NPNT: variants seen among roughly 807,000 people sequenced by gnomAD.
NPNT encodes nephronectin.
Under a neutral mutation model 68.6 loss-of-function variants are expected in NPNT, and 45 were observed. That is an observed-to-expected ratio of 0.66 (90% CI 0.52 to 0.84). The LOEUF (loss-of-function observed/expected upper bound fraction) is 0.84. NPNT is among the 40% of genes least tolerant of loss of function. The pLI is 0.00. For missense variants in NPNT, 672 were observed against 714.8 expected, an observed-to-expected ratio of 0.94 and a Z score of 0.68; for synonymous variants, 233 against 253.3, an observed-to-expected ratio of 0.92 and a Z score of 0.76.
chr4:105,933,929 T>C (rs1374758339), intron 3 of NPNT, among the ~76,000 whole-genome samples: 2 of 152,326 alleles, frequency 1.3e-5, no homozygotes, highest in East Asian at 3.9e-4. Flanking sequence ...AAGTGGTTTA[T>C]TGTAAAGTTC....
Position 105,967,263 on chromosome 4 carries a change from G to C in NPNT, c.1421G>C (p.Arg474Pro). 1 of 1,613,990 alleles carries C rather than the reference G, an allele frequency of 6.2e-7. No homozygotes were observed. The highest frequency in any genetic ancestry group is 8.5e-7 in the Non-Finnish European group (1 of 1,179,988). The change falls in exon 11 of 12, where the codon CGC becomes CCC. Residue 474 changes from arginine (R) to proline (P), a missense_variant. Transcript: ENST00000379987. ...KAARLVLPLG[R>P]LMHSGDLCLS... Reference sequence around the variant, plus strand: ...GCACGCTTGGTGCTACCTCTCGGCCGCCTCATGCATTCAGGGGACCTGTGC... The same window carrying C: ...GCACGCTTGGTGCTACCTCTCGGCCCCCTCATGCATTCAGGGGACCTGTGC...
Position 105,971,059 on chromosome 4 carries a change from G to A in NPNT, c.*2069G>A, listed in dbSNP as rs905395978. On this transcript the variant is annotated 3_prime_UTR_variant, in exon 12 of 12. Coordinates refer to ENST00000379987, the MANE Select transcript of NPNT (RefSeq NM_001033047.3). The stretch of plus-strand genomic sequence containing the variant: ...TTTTCAATGTTTCTTCATGTTAAAG[G>A]TATAAGCCTTTCATTTGTTCAATGG... 2.4e-6 allele frequency: 1 copy of A among 418,442 alleles called. No individual in the cohort carries two copies. The highest frequency in any genetic ancestry group is 4.9e-6 in the Non-Finnish European group (1 of 205,300). 25.9% of individuals were successfully genotyped at this position (418,442 alleles called of 1,614,324 possible). A position where few individuals can be genotyped will look rare whatever the true frequency, so the allele number is the denominator to read the frequency against.
At chr4:105,943,126 T>A (rs746149716) in intron 8 of NPNT, among the ~76,000 whole-genome samples, 6 of 152,206 alleles carry the variant, frequency 3.9e-5, no homozygotes, top group Non-Finnish European at 8.8e-5. Context: ...CATGTAAAGA[T>A]AAAACAGAAA....
At chr4:105,902,784 C>T (rs556763672) in intron 2 of NPNT, 1 of 152,084 alleles carries the variant, frequency 6.6e-6, no homozygotes, top group Non-Finnish European at 1.5e-5. Flanking sequence ...GAATCTTGAC[C>T]TTTTCAAACA....
rs1187323793 is a variant in NPNT at position 105,932,744 on chromosome 4, G to C, written c.266-4265G>C. ...CCCAGGTGGTCTGCTCTTCCCACCT[G>C]CATGGCTTCCTGCAGTTATGTCACT... On this transcript the variant is annotated intron_variant, in intron 3 of 11. Transcript: ENST00000379987. 3.8e-6 allele frequency: 5 copies of C among 1,325,214 alleles called. No individual in the cohort carries two copies. In the South Asian group the frequency reaches 6.3e-5, roughly 17 times the overall value. 82.1% of individuals were successfully genotyped at this position (1,325,214 alleles called of 1,614,324 possible). A position where few individuals can be genotyped will look rare whatever the true frequency, so the allele number is the denominator to read the frequency against.
chr4:105,929,123 CT>C (rs1405388673), intron 3 of NPNT, among the ~76,000 whole-genome samples: 1 of 152,030 alleles, frequency 6.6e-6, no homozygotes, highest in African/African-American at 2.4e-5. Context: ...CCCCTTACCC[CT>C]AACCCCCAAC....
At chr4:105,900,854 T>TG (rs1393447035) in intron 2 of NPNT, among the ~76,000 whole-genome samples, 1 of 146,688 alleles carries the variant, frequency 6.8e-6, no homozygotes, top group African/African-American at 2.5e-5. Context: ...TTTTTTTTTT[T>TG]GATTCTTTGT....
intron 3 of NPNT, 103 bp downstream of exon 3, chr4:105,927,531 A>T: frequency 1.8e-6 from 1 of 559,190 alleles, no homozygotes. Flanking sequence ...TATTTTTCCA[A>T]AATATGTGAG....
rs1197192571 is a variant in NPNT at position 105,945,455 on chromosome 4, C to G, written c.1159+2753C>G. Among the ~76,000 whole-genome samples the G allele has an allele frequency of 3.9e-5, 6 of 152,212 alleles. No individual in the cohort carries two copies. The East Asian group carries it at 1.2e-3, about 29-fold the overall frequency. On this transcript the variant is annotated intron_variant, in intron 8 of 11. Transcript: ENST00000379987. Reference sequence around the variant, plus strand: ...ATGTATAGAATTGTTCCTTTTCTTCCCTTAAACATCCTCTACTCTCAGCCT... The same window carrying G: ...ATGTATAGAATTGTTCCTTTTCTTCGCTTAAACATCCTCTACTCTCAGCCT...
intron 8 of NPNT, among the ~76,000 whole-genome samples, chr4:105,955,186 A>C (rs892420850): frequency 2.2e-4 from 33 of 152,202 alleles, no homozygotes; most frequent in African/African-American, 8.0e-4. Context: ...TTTATGAAAT[A>C]TATATATTGT....
At position 105,967,142 on chromosome 4, in the gene NPNT, A is replaced by G. The variant is rs374209606; in HGVS notation, c.1346-46A>G. Reference sequence around the variant, plus strand: ...CTCCTGTCCATGCTGCTTGTTCTAGAAAGGGATATTGGCACATACACACAG... The same window carrying G: ...CTCCTGTCCATGCTGCTTGTTCTAGGAAGGGATATTGGCACATACACACAG... On this transcript the variant is annotated intron_variant, in intron 10 of 11. Transcript: ENST00000379987. The G allele has an allele frequency of 4.4e-6, 7 of 1,584,026 alleles. No individual in the cohort carries two copies. The African/African-American group carries it at 9.5e-5, about 21-fold the overall frequency.
intron 3 of NPNT, among the ~76,000 whole-genome samples, chr4:105,930,272 T>C (rs1278391067): frequency 6.6e-6 from 1 of 152,182 alleles, no homozygotes; most frequent in Non-Finnish European, 1.5e-5. Context: ...AAATGCACAC[T>C]AAATATGTTA....
intron 9 of NPNT, 194 bp from the exon 10 acceptor site, chr4:105,958,834 T>C: frequency 1.8e-6 from 1 of 566,676 alleles, no homozygotes; most frequent in Non-Finnish European, 3.1e-6. Context: ...CACTTGTGTG[T>C]TCTATTTTTA....
intron 2 of NPNT, among the ~76,000 whole-genome samples, chr4:105,907,856 G>A (rs1560891104): frequency 6.6e-6 from 1 of 151,992 alleles, no homozygotes; most frequent in Non-Finnish European, 1.5e-5. Context: ...CATAATTAAA[G>A]AATTATGGCC....
intron 2 of NPNT, among the ~76,000 whole-genome samples, chr4:105,904,279 G>A (rs746522749): frequency 1.3e-5 from 2 of 152,182 alleles, no homozygotes; most frequent in African/African-American, 2.4e-5. Flanking sequence ...ATTTTTATAT[G>A]TGGTCAAATG....
chr4:105,964,711 GT>G (rs1731984537), intron 10 of NPNT, among the ~76,000 whole-genome samples: 1 of 151,858 alleles, frequency 6.6e-6, no homozygotes, highest in Non-Finnish European at 1.5e-5. Flanking sequence ...ATTTATGGAA[GT>G]TTTCTATACA....
chr4:105,929,525 GC>G (rs749329482), intron 3 of NPNT: 4 of 152,216 alleles, frequency 2.6e-5, no homozygotes, highest in Non-Finnish European at 5.9e-5. Flanking sequence ...ATCTCAGTTT[GC>G]TCCTTAAAAA....
intron 2 of NPNT, among the ~76,000 whole-genome samples, chr4:105,908,448 T>C (rs756997758): frequency 6.6e-6 from 1 of 152,190 alleles, no homozygotes; most frequent in Non-Finnish European, 1.5e-5. Context: ...TCTGAAATGT[T>C]AGGAAATATG....
chr4:105,961,237 G>T (rs1328990954), intron 10 of NPNT, among the ~76,000 whole-genome samples: 1 of 152,172 alleles, frequency 6.6e-6, no homozygotes, highest in Non-Finnish European at 1.5e-5. Flanking sequence ...GTTTTTGACT[G>T]TACCACAGGC....
Sources: allele counts gnomAD v4.1 joint callset (sites outside exome capture counted in the v4.1 genomes callset), GRCh38; gene constraint gnomAD v4.1.1; transcripts MANE v1.5; gene names NCBI Gene and HGNC (gene_info 2026-07-23, HGNC 2026-07-21).